KLHL42: variants seen among roughly 807,000 people sequenced by gnomAD.
KLHL42 encodes the protein kelch-like protein 42.
In KLHL42, 27 loss-of-function variants were observed where a neutral mutation model predicts 32.7. That is an observed-to-expected ratio of 0.83 (90% CI 0.61 to 1.14). The LOEUF is 1.14. KLHL42 is among the 50% of genes most tolerant of loss of function. KLHL42 has a pLI of 0.00. For missense variants in KLHL42, 491 were observed against 560.8 expected, an observed-to-expected ratio of 0.88 and a Z score of 1.26; for synonymous variants, 267 against 248.2, an observed-to-expected ratio of 1.08 and a Z score of -0.71.
At position 27,802,496 on chromosome 12, in the gene KLHL42, T is replaced by G. The variant is rs1016085535; in HGVS notation, c.*4330T>G. On this transcript the variant is annotated 3_prime_UTR_variant, in exon 3 of 3. Transcript: ENST00000381271. ...TAGATTTTATTCACATGAGAGATTT[T>G]TTTTATTTTCTCTGTTGACTTAGGA... 1 of 152,696 alleles carries G rather than the reference T, an allele frequency of 6.5e-6. No individual in the cohort carries two copies. The highest frequency in any genetic ancestry group is 1.5e-5 in the Non-Finnish European group (1 of 68,048). The allele number at this position is 152,696 out of a possible 1,614,324, so 9.5% of individuals were successfully genotyped here.
At position 27,797,137 on chromosome 12, in the gene KLHL42, A is replaced by C. The variant is rs192905348; in HGVS notation, c.1067-578A>C. ...AGATCCTGTCTTTAAAAAAAAACAAAAAAAAAACTGGAAACTGAATTGCCA... is the reference window on the plus strand; with the variant it reads ...AGATCCTGTCTTTAAAAAAAAACAACAAAAAAACTGGAAACTGAATTGCCA... On this transcript the variant is annotated intron_variant, in intron 2 of 2. Coordinates refer to ENST00000381271, the MANE Select transcript of KLHL42 (RefSeq NM_020782.2). The C allele has an allele frequency of 1.4e-5, 6 of 415,468 alleles. No individual in the cohort carries two copies. In the East Asian group the frequency reaches 2.8e-4, roughly 20 times the overall value. 25.7% of individuals were successfully genotyped at this position (415,468 alleles called of 1,614,324 possible).
At chr12:27,792,137 GA>G (rs3214505) in intron 2 of KLHL42, 66,273 of 294,418 alleles carry the variant, frequency 0.23, 9,149 homozygotes, top group African/African-American at 0.42. Context: ...GGAGAGCTGT[GA>G]AAAAAAAATG....
chr12:27,786,595 C>T (rs1439250159), intron 1 of KLHL42, among the ~76,000 whole-genome samples: 2 of 151,956 alleles, frequency 1.3e-5, no homozygotes, highest in African/African-American at 4.8e-5. Context: ...TCGGAGACTG[C>T]TTTGGGATGT....
intron 1 of KLHL42, among the ~76,000 whole-genome samples, chr12:27,785,024 C>CA (rs2062165765): frequency 6.6e-6 from 1 of 151,156 alleles, no homozygotes; most frequent in Admixed American, 6.6e-5. Flanking sequence ...CTGCAGTGTT[C>CA]AAAAATAAGA....
intron 2 of KLHL42, 141 bp downstream of exon 2, chr12:27,792,042 GAAGA>G (rs1322621881): frequency 1.5e-6 from 1 of 651,526 alleles, no homozygotes; most frequent in Non-Finnish European, 2.7e-6. Context: ...CATCTGGAAG[GAAGA>G]GAGTTCCATA....
chr12:27,797,148 GA>G (rs1291684576), intron 2 of KLHL42: 2 of 399,136 alleles, frequency 5.0e-6, no homozygotes, highest in Non-Finnish European at 1.0e-5. Flanking sequence ...AAAAAAACTG[GA>G]AACTGAATTG....
intron 1 of KLHL42, among the ~76,000 whole-genome samples, chr12:27,785,291 T>C (rs530108280): frequency 6.6e-6 from 1 of 152,266 alleles, no homozygotes; most frequent in South Asian, 2.1e-4. Flanking sequence ...CCTTCAACTC[T>C]TGGGCTCAAG....
intron 2 of KLHL42, among the ~76,000 whole-genome samples, chr12:27,793,228 A>G (rs1026027326): frequency 6.6e-6 from 1 of 151,742 alleles, no homozygotes; most frequent in African/African-American, 2.4e-5. Context: ...GCAACATAGC[A>G]AGACACCTTC....
intron 1 of KLHL42, among the ~76,000 whole-genome samples, chr12:27,785,612 G>A (rs565392998): frequency 2.0e-5 from 3 of 152,020 alleles, no homozygotes; most frequent in East Asian, 3.9e-4. Context: ...GTTCCTTCCC[G>A]AACTCTGGCT....
In KLHL42 at chr12:27,800,151, A is replaced by T; in HGVS notation, c.*1985A>T. 1.0e-6 allele frequency: 1 copy of T among 985,406 alleles called. No individual in the cohort carries two copies. Among genetic ancestry groups the T allele is most frequent in the Non-Finnish European group, 1.2e-6 (1 of 829,900 alleles). The allele number at this position is 985,406 out of a possible 1,614,324, so 61.0% of individuals were successfully genotyped here. A position where few individuals can be genotyped will look rare whatever the true frequency, so the allele number is the denominator to read the frequency against. ...TGAGTCAGTTGAATTAGTACTGGAC[A>T]AACAGTTGGAGATTAGTTTGCAAAT... On this transcript the variant is annotated 3_prime_UTR_variant, in exon 3 of 3. Coordinates refer to ENST00000381271, the MANE Select transcript of KLHL42 (RefSeq NM_020782.2).
At chr12:27,789,815 GGGCTGGCT>G (rs149006498) in intron 1 of KLHL42, among the ~76,000 whole-genome samples, 49 of 152,106 alleles carry the variant, frequency 3.2e-4, no homozygotes, top group Non-Finnish European at 4.6e-4. Flanking sequence ...ACAAAAAAGT[GGGCTGGCT>G]GGCTGGCTGG....
At chr12:27,784,728 G>A (rs944351657) in intron 1 of KLHL42, among the ~76,000 whole-genome samples, 3 of 152,164 alleles carry the variant, frequency 2.0e-5, no homozygotes, top group Non-Finnish European at 2.9e-5. Context: ...AAGTGTTTGT[G>A]CTTGCCAGTT....
rs146109660 is a variant in KLHL42, at chr12:27,800,248, A to G, written c.*2082A>G. On this transcript the variant is annotated 3_prime_UTR_variant, in exon 3 of 3. Transcript: ENST00000381271. Reference sequence around the variant, plus strand: ...CTTCCTGGTTACATTCATTGGGTCTATTTGCCTAATGTTGACAATTAGATT... The same window carrying G: ...CTTCCTGGTTACATTCATTGGGTCTGTTTGCCTAATGTTGACAATTAGATT... 82 of 985,230 alleles carry G rather than the reference A, an allele frequency of 8.3e-5. No homozygotes were observed. The highest frequency in any genetic ancestry group is 5.8e-4 in the African/African-American group (33 of 57,292). The allele number at this position is 985,230 out of a possible 1,614,324, so 61.0% of individuals were successfully genotyped here.
intron 2 of KLHL42, among the ~76,000 whole-genome samples, chr12:27,795,367 A>C (rs1260051906): frequency 6.6e-6 from 1 of 152,220 alleles, no homozygotes; most frequent in Non-Finnish European, 1.5e-5. Flanking sequence ...GTAACCTCAC[A>C]AGCCACTGCT....
intron 1 of KLHL42, among the ~76,000 whole-genome samples, 167 bp from the exon 2 acceptor site, chr12:27,791,541 A>C (rs2288233): frequency 0.42 from 63,700 of 152,118 alleles, 15,425 homozygotes; most frequent in Non-Finnish European, 0.54. Context: ...GACAGGAGTG[A>C]GATTCGAGAA....
intron 1 of KLHL42, among the ~76,000 whole-genome samples, chr12:27,784,555 A>G (rs1201109136): frequency 8.5e-5 from 13 of 152,260 alleles, no homozygotes; most frequent in Admixed American, 8.5e-4. Context: ...TGAAGGCTGC[A>G]GTGCACTCTC....
rs573465090 is a variant in KLHL42, at chr12:27,801,718, G to A, written c.*3552G>A. ...TCCCAGTCCATCAGAGTGAAATGAA[G>A]GCTATTTGCCATCCCTGCCTTAGAC... On this transcript the variant is annotated 3_prime_UTR_variant, in exon 3 of 3. Transcript: ENST00000381271. The A allele has an allele frequency of 6.6e-6, 1 of 152,276 alleles. No homozygotes were observed. Among genetic ancestry groups the A allele is most frequent in the South Asian group, 2.1e-4 (1 of 4,822 alleles). 9.4% of individuals were successfully genotyped at this position (152,276 alleles called of 1,614,324 possible). A position where few individuals can be genotyped will look rare whatever the true frequency, so the allele number is the denominator to read the frequency against.
chr12:27,781,768 C>T (rs11049145), intron 1 of KLHL42, among the ~76,000 whole-genome samples: 17,378 of 152,222 alleles, frequency 0.11, 1,383 homozygotes, highest in Non-Finnish European at 0.17. Context: ...CTTCCCTGGA[C>T]AGCCATCGTC....
At chr12:27,786,241 T>A (rs1565482335) in intron 1 of KLHL42, among the ~76,000 whole-genome samples, 1 of 152,190 alleles carries the variant, frequency 6.6e-6, no homozygotes. Context: ...TTAAAAAAAA[T>A]TATTTCCTTC....
Sources: allele counts gnomAD v4.1 joint callset (sites outside exome capture counted in the v4.1 genomes callset), GRCh38; gene constraint gnomAD v4.1.1; transcripts MANE v1.5; gene names NCBI Gene and HGNC (gene_info 2026-07-23, HGNC 2026-07-21).